PES1: variants seen among roughly 807,000 people sequenced by gnomAD.
PES1 encodes pescadillo homolog.
PES1 carries 31 observed loss-of-function variants against 77.1 expected under a neutral mutation model. The ratio of observed to expected loss-of-function variants is 0.40; its 90% CI spans 0.30 to 0.54. PES1 has a LOEUF of 0.54. PES1 is among the 20% of genes least tolerant of loss of function. PES1 has a pLI of 0.45. For missense variants in PES1, 658 were observed against 771.7 expected, an observed-to-expected ratio of 0.85 and a Z score of 1.75; for synonymous variants, 282 against 303.0, an observed-to-expected ratio of 0.93 and a Z score of 0.72.
chr22:30,579,403 T>C, intron 12 of PES1, 100 bp from the exon 13 acceptor site: 2 of 1,568,168 alleles, frequency 1.3e-6, no homozygotes, highest in Non-Finnish European at 1.7e-6. Context: ...CCTGCCGTCT[T>C]TAGCCATGGG....
Position 30,588,046 on chromosome 22 carries a change from A to G in PES1, c.233T>C (p.Ile78Thr), listed in dbSNP as rs757778971. 2.5e-6 allele frequency: 4 copies of G among 1,613,942 alleles called. No homozygotes were observed. The highest frequency in any genetic ancestry group is 3.4e-6 in the Non-Finnish European group (4 of 1,180,052). ...KDIRFLLHEPIVNKFREYKVF... is the reference protein window; with the variant it reads ...KDIRFLLHEPTVNKFREYKVF... ...CTTGTATTCACGGAACTTGTTGACAATGGGTTCGTGGAGGAGAAACCTGAT... is the reference window on the plus strand; with the variant it reads ...CTTGTATTCACGGAACTTGTTGACAGTGGGTTCGTGGAGGAGAAACCTGAT... Residue 78 changes from isoleucine to threonine, a missense_variant, in exon 3 of 15, where the codon ATT becomes ACT. By Grantham distance (89) the Ile-to-Thr change is moderately conservative. Transcript: ENST00000354694.
Position 30,581,520 on chromosome 22 carries a change from G to T in PES1, c.747+8C>A. The stretch of plus-strand genomic sequence containing the variant: ...CGGCGAGCAGAAGGCACTGGGCTGG[G>T]GTCCTACCTTCGGGGGATAGTGGAG... On this transcript the variant is annotated splice_region_variant and intron_variant, in intron 7 of 14. Transcript: ENST00000354694. 6.2e-7 allele frequency: 1 copy of T among 1,611,138 alleles called. No homozygotes were observed. Among genetic ancestry groups the T allele is most frequent in the Non-Finnish European group, 8.5e-7 (1 of 1,177,530 alleles).
At chr22:30,604,321 T>C (rs1364179413) in intron 2 of PES1, among the ~76,000 whole-genome samples, 2 of 152,192 alleles carry the variant, frequency 1.3e-5, no homozygotes, top group Non-Finnish European at 2.9e-5. Context: ...AGCTGTAGCA[T>C]GCATGGCCTT....
In PES1 at chr22:30,589,074, A is replaced by G; in HGVS notation, c.104+117T>C. 4 of 697,904 alleles carry G rather than the reference A, an allele frequency of 5.7e-6. No homozygotes were observed. The South Asian group carries it at 7.2e-5, about 13-fold the overall frequency. The allele number at this position is 697,904 out of a possible 1,614,324, so 43.2% of individuals were successfully genotyped here. ...CTCACTAAAGCAAGGGCGGTGAGAA[A>G]GAGAAGGAATACCAGAACCCCAGAA... On this transcript the variant is annotated intron_variant, in intron 2 of 14. Transcript: ENST00000354694.
At chr22:30,591,205 C>T (rs1266825179) in intron 1 of PES1, among the ~76,000 whole-genome samples, 1 of 152,186 alleles carries the variant, frequency 6.6e-6, no homozygotes, top group Non-Finnish European at 1.5e-5. Context: ...AGGCCTTGCA[C>T]GATACAGTAC....
At chr22:30,601,844 C>G (rs1159946965) in intron 2 of PES1, 1 of 151,736 alleles carries the variant, frequency 6.6e-6, no homozygotes, top group Non-Finnish European at 1.5e-5. Context: ...CCAATCTCAG[C>G]TCACTACAAT....
At chr22:30,599,984 T>A (rs563226715) in intron 2 of PES1, among the ~76,000 whole-genome samples, 55 of 152,324 alleles carry the variant, frequency 3.6e-4, no homozygotes, top group African/African-American at 1.2e-3. Context: ...TTAAAATATT[T>A]ATGTTAAATT....
chr22:30,584,338 C>T, intron 6 of PES1, 27 bp downstream of exon 6: 1 of 1,549,116 alleles, frequency 6.5e-7, no homozygotes, highest in Non-Finnish European at 8.8e-7. Flanking sequence ...CAGCACAAGC[C>T]CGTCCCCTCC....
chr22:30,578,262 A>T (rs1040196444), intron 14 of PES1, among the ~76,000 whole-genome samples: 2 of 152,184 alleles, frequency 1.3e-5, no homozygotes, highest in African/African-American at 4.8e-5. Context: ...AGCCTGGGTG[A>T]CAGAGGAAGA....
chr22:30,594,999 A>G (rs1489919438), upstream of PES1, among the ~76,000 whole-genome samples: 1 of 152,116 alleles, frequency 6.6e-6, no homozygotes, highest in East Asian at 1.9e-4. Context: ...CTACATAAAC[A>G]AACGAACAAA....
At position 30,579,832 on chromosome 22, in the gene PES1, G is replaced by A. The variant is rs1021565432; in HGVS notation, c.1273C>T (p.Pro425Ser). The stretch of plus-strand genomic sequence containing the variant: ...TCTCCTTCCTTCTCGGTCACAAAGG[G>A]TGAAAGGTGTGGGGGCAGCTGCACC... Reference protein sequence around the residue: ...SGVQLPPHLSPFVTEKEGDYV... With the variant: ...SGVQLPPHLSSFVTEKEGDYV... The change falls in exon 12 of 15, where the codon CCC (proline) becomes TCC (serine). Residue 425 changes from proline to serine, a missense_variant. Coordinates refer to ENST00000354694, the MANE Select transcript of PES1 (RefSeq NM_014303.4). 2 of 1,613,974 alleles carry A rather than the reference G, an allele frequency of 1.2e-6. No homozygotes were observed. The highest frequency in any genetic ancestry group is 2.7e-5 in the African/African-American group (2 of 74,932).
rs2086943668 is a variant in PES1 at position 30,579,161 on chromosome 22, C to T, written c.1497G>A (p.Leu499=). The change falls in exon 13 of 15, where the codon CTG becomes CTA. Residue 499 remains leucine (L), a synonymous_variant. Coordinates refer to ENST00000354694, the MANE Select transcript of PES1 (RefSeq NM_014303.4). ...CCTTCCCCTCCATCCTCTGCTCTTCCAGGGCTGCCAGCCGGGCCTCTTCCT... is the reference window on the plus strand; with the variant it reads ...CCTTCCCCTCCATCCTCTGCTCTTCTAGGGCTGCCAGCCGGGCCTCTTCCT... ...EKEEEARLAA[L]EEQRMEGKKP... 6.2e-7 allele frequency: 1 copy of T among 1,608,926 alleles called. No homozygotes were observed. Among genetic ancestry groups the T allele is most frequent in the Non-Finnish European group, 8.5e-7 (1 of 1,179,820 alleles).
At chr22:30,597,477 C>T (rs909946954) in intron 2 of PES1, among the ~76,000 whole-genome samples, 1 of 151,130 alleles carries the variant, frequency 6.6e-6, no homozygotes, top group Non-Finnish European at 1.5e-5. Context: ...CCAATCTGCG[C>T]TCTGTGTCTA....
chr22:30,604,230 C>G (rs889719249), intron 2 of PES1: 1 of 152,174 alleles, frequency 6.6e-6, no homozygotes, highest in African/African-American at 2.4e-5. Context: ...AATAGGATAT[C>G]AAACAGCAAA....
At chr22:30,583,480 A>G (rs1400068187) in intron 6 of PES1, among the ~76,000 whole-genome samples, 1 of 152,234 alleles carries the variant, frequency 6.6e-6, no homozygotes, top group Non-Finnish European at 1.5e-5. Context: ...TTCCCACTCA[A>G]TGATCAAGCA....
intron 2 of PES1, among the ~76,000 whole-genome samples, chr22:30,597,876 A>ATTTTTTTTTTTTTTTTTTTTTTTT (rs1210779167): frequency 1.8e-4 from 22 of 125,156 alleles, no homozygotes; most frequent in African/African-American, 6.8e-4. Context: ...ACGCAGTTGA[A>ATTTTTTTTTTTTTTTTTTTTTTTT]GTTTTGTTTT....
At chr22:30,596,764 T>G (rs1431546897), upstream of PES1, among the ~76,000 whole-genome samples, 1 of 152,180 alleles carries the variant, frequency 6.6e-6, no homozygotes, top group Non-Finnish European at 1.5e-5. Flanking sequence ...TGGCCACGCT[T>G]GAGGAGCCCT....
chr22:30,587,558 G>C (rs778826988), intron 3 of PES1, among the ~76,000 whole-genome samples, 163 bp from the exon 4 acceptor site: 6 of 152,132 alleles, frequency 3.9e-5, no homozygotes, highest in Non-Finnish European at 7.4e-5. Flanking sequence ...ATGAGCAAAA[G>C]AGCCAACTCC....
Position 30,588,059 on chromosome 22 carries a change from G to A in PES1, c.220C>T (p.Leu74Phe). Residue 74 changes from leucine (L) to phenylalanine (F), a missense_variant, in exon 3 of 15, where the codon CTC becomes TTC. Leu to Phe is a conservative substitution (Grantham distance 22). Coordinates refer to ENST00000354694, the MANE Select transcript of PES1 (RefSeq NM_014303.4). The part of the protein sequence containing the change: ...FYLIKDIRFL[L>F]HEPIVNKFRE... ...AACTTGTTGACAATGGGTTCGTGGA[G>A]GAGAAACCTGATGTCTTTGATAAGG... 1.2e-6 allele frequency: 2 copies of A among 1,614,124 alleles called. No individual in the cohort carries two copies. Among genetic ancestry groups the A allele is most frequent in the South Asian group, 1.1e-5 (1 of 91,074 alleles).
Sources: allele counts gnomAD v4.1 joint callset (sites outside exome capture counted in the v4.1 genomes callset), GRCh38; gene constraint gnomAD v4.1.1; transcripts MANE v1.5; gene names NCBI Gene and HGNC (gene_info 2026-07-23, HGNC 2026-07-21).